The following DNAH7 variants were observed in gnomAD, a reference collection of about 807,000 sequenced individuals.
DNAH7 encodes the protein dynein axonemal heavy chain 7.
Under a neutral mutation model 444.6 loss-of-function variants are expected in DNAH7, and 397 were observed. That is an observed-to-expected ratio of 0.89 (90% CI 0.82 to 0.97). The LOEUF (loss-of-function observed/expected upper bound fraction) is 0.97. Among genes scored for constraint, DNAH7 ranks in the 50% least tolerant of loss-of-function variants. The pLI, the probability that DNAH7 is intolerant of heterozygous loss-of-function variation, is 0.00. For missense variants in DNAH7, 4,902 were observed against 4,800.8 expected (o/e 1.02, Z -0.62); for synonymous variants, 1,636 against 1,624.4 (o/e 1.01, Z -0.17).
chr2:195,781,077 G>GA (rs34479085), intron 58 of DNAH7, among the ~76,000 whole-genome samples: 52 of 149,416 alleles, frequency 3.5e-4, no homozygotes, highest in Middle Eastern at 6.9e-3. Context: ...AAGCCCTTGT[G>GA]AAAAAAAAAA....
At chr2:195,817,483 C>A (rs1445517828) in intron 50 of DNAH7, among the ~76,000 whole-genome samples, 2 of 152,196 alleles carry the variant, frequency 1.3e-5, no homozygotes, top group East Asian at 1.9e-4. Context: ...GGCCTTCTAG[C>A]TCTTCCAGTG....
intron 21 of DNAH7, among the ~76,000 whole-genome samples, chr2:195,928,010 C>A (rs1256698303): frequency 6.6e-6 from 1 of 152,054 alleles, no homozygotes; most frequent in African/African-American, 2.4e-5. Context: ...GTTACATGGG[C>A]ATATTGCACC....
At chr2:195,746,063 TAA>T (rs1006594178) in intron 63 of DNAH7, among the ~76,000 whole-genome samples, 27 of 152,106 alleles carry the variant, frequency 1.8e-4, no homozygotes, top group Non-Finnish European at 1.2e-4. Flanking sequence ...GCAAATTGGA[TAA>T]AGAGTCAAGA....
In DNAH7 at chr2:195,794,532, T is replaced by C. The variant is rs762633292; in HGVS notation, c.10522A>G (p.Ser3508Gly). Reference protein sequence around the residue: ...PTLEKVCEELSPESTHPDFRM... With the variant: ...PTLEKVCEELGPESTHPDFRM... ...AAATCTGGATGTGTTGACTCTGGGC[T>C]TAACTCCTGTAAGAAAATAAATCAG... Residue 3508 changes from serine to glycine, a missense_variant, in exon 57 of 65, where the codon AGC becomes GGC. Physicochemically the swap from Ser to Gly is moderately conservative, Grantham distance 56. Coordinates refer to ENST00000312428, the MANE Select transcript of DNAH7 (RefSeq NM_018897.3). 8 of 1,614,072 alleles carry C rather than the reference T, an allele frequency of 5.0e-6. No individual in the cohort carries two copies. The highest frequency in any genetic ancestry group is 4.2e-6 in the Non-Finnish European group (5 of 1,179,936).
At chr2:196,053,129 G>A (rs996638095) in intron 2 of DNAH7, among the ~76,000 whole-genome samples, 6 of 152,198 alleles carry the variant, frequency 3.9e-5, no homozygotes, top group African/African-American at 1.4e-4. Context: ...GAACAGAGAG[G>A]GAAGGAGTGG....
At chr2:195,755,151 C>G (rs1015900181) in intron 62 of DNAH7, among the ~76,000 whole-genome samples, 4 of 152,190 alleles carry the variant, frequency 2.6e-5, no homozygotes, top group Non-Finnish European at 4.4e-5. Flanking sequence ...CCCATAAAGT[C>G]TGGTCAGATG....
intron 5 of DNAH7, among the ~76,000 whole-genome samples, chr2:196,035,891 G>A (rs1696351641): frequency 6.6e-6 from 1 of 152,080 alleles, no homozygotes; most frequent in Non-Finnish European, 1.5e-5. Context: ...CAACTGCATT[G>A]TTCCAGAGAT....
chr2:195,778,101 C>T (rs1299927192), intron 58 of DNAH7, 116 bp from the exon 59 acceptor site: 2 of 966,342 alleles, frequency 2.1e-6, no homozygotes, highest in Non-Finnish European at 2.8e-6. Context: ...ATTAACACAA[C>T]TTCCCTTCGT....
chr2:195,778,644 AT>A (rs1559089734), intron 58 of DNAH7, among the ~76,000 whole-genome samples: 424 of 39,066 alleles, frequency 0.011, 68 homozygotes, highest in African/African-American at 0.027. Context: ...AAATAAATAA[AT>A]ATATATATAT....
chr2:195,886,042 A>G (rs146634759), intron 34 of DNAH7, 99 bp downstream of exon 34: 1 of 1,418,388 alleles, frequency 7.1e-7, no homozygotes, highest in Non-Finnish European at 9.4e-7. Flanking sequence ...CTAGTCTCCA[A>G]CTTCAGGGGC....
At position 195,891,783 on chromosome 2, in the gene DNAH7, C is replaced by T. The variant is rs1389293290; in HGVS notation, c.4918G>A (p.Val1640Ile). Reference protein sequence around the residue: ...CEKGLMEENKVQITVLNPKSV... With the variant: ...CEKGLMEENKIQITVLNPKSV... ...TTAGGATTTAAAACAGTTATTTGAA[C>T]TTTGTTTTCTTCCATTAGCCCCTTA... The change falls in exon 31 of 65, where the codon GTT becomes ATT. Residue 1640 changes from valine to isoleucine, a missense_variant. Coordinates refer to ENST00000312428, the MANE Select transcript of DNAH7 (RefSeq NM_018897.3). 1 of 1,585,784 alleles carries T rather than the reference C, an allele frequency of 6.3e-7. No homozygotes were observed. The highest frequency in any genetic ancestry group is 1.2e-5 in the South Asian group (1 of 84,616).
rs1181546518 is a variant in DNAH7 at position 195,775,834 on chromosome 2, C to T, written c.11202+12G>A. ...CAGGCCTCAGAATCCAGGTCCTATA[C>T]AGATCACACACCTGTGTAAGAAGAA... On this transcript the variant is annotated intron_variant, in intron 60 of 64. Coordinates refer to ENST00000312428, the MANE Select transcript of DNAH7 (RefSeq NM_018897.3). 6.2e-7 allele frequency: 1 copy of T among 1,613,040 alleles called. No individual in the cohort carries two copies. Among genetic ancestry groups the T allele is most frequent in the African/African-American group, 1.3e-5 (1 of 75,048 alleles).
At chr2:195,955,920 A>T (rs1043846516) in intron 19 of DNAH7, among the ~76,000 whole-genome samples, 4 of 152,158 alleles carry the variant, frequency 2.6e-5, no homozygotes, top group Non-Finnish European at 5.9e-5. Flanking sequence ...AATTAATTAG[A>T]GATGATTGTG....
intron 2 of DNAH7, among the ~76,000 whole-genome samples, chr2:196,056,692 T>A (rs979313439): frequency 2.6e-5 from 4 of 152,196 alleles, no homozygotes; most frequent in South Asian, 4.1e-4. Context: ...AGTTGCCTAC[T>A]GTGCTAATCA....
chr2:195,964,018 A>T (rs915810232), intron 17 of DNAH7, among the ~76,000 whole-genome samples: 1 of 152,128 alleles, frequency 6.6e-6, no homozygotes, highest in Non-Finnish European at 1.5e-5. Context: ...AAAGCTCTGA[A>T]TCCTAATTTG....
rs759689589 is a variant in DNAH7 at position 195,771,728 on chromosome 2, T to C, written c.11365A>G (p.Met3789Val). ...QSMNTVLVQE[M>V]GRFNKLLKTI... ...TTCAGTAACTTATTGAACCGTCCCA[T>C]CTCTTGGACAAGTACAGTGTTCATG... Residue 3789 changes from methionine to valine, a missense_variant, in exon 61 of 65, where the codon ATG becomes GTG. Transcript: ENST00000312428. The C allele has an allele frequency of 6.2e-7, 1 of 1,614,190 alleles. No individual in the cohort carries two copies. The highest frequency in any genetic ancestry group is 8.5e-7 in the Non-Finnish European group (1 of 1,180,020).
intron 61 of DNAH7, among the ~76,000 whole-genome samples, chr2:195,766,166 A>AATTTTTTTTT (rs1694569940): frequency 1.5e-5 from 1 of 67,062 alleles, no homozygotes. Context: ...TGTGGGAGCT[A>AATTTTTTTTT]ATTTTTTTTT....
chr2:195,806,821 A>G lies in DNAH7; in HGVS notation c.10095T>C (p.His3365=). The change falls in exon 54 of 65, where the codon CAT becomes CAC. Residue 3365 remains histidine (H), a synonymous_variant. Transcript: ENST00000312428. The stretch of plus-strand genomic sequence containing the variant: ...CTTCCCATTCTTCAGGGAAAACCTC[A>G]TGGTGTGGTTCCTAAAATTACAGTG... ...KKVYDSLEPH[H]EVFPEEWEDK... The G allele has an allele frequency of 6.2e-7, 1 of 1,612,456 alleles. No individual in the cohort carries two copies. The highest frequency in any genetic ancestry group is 8.5e-7 in the Non-Finnish European group (1 of 1,178,878).
chr2:195,983,027 AC>A (rs5837485), intron 15 of DNAH7, among the ~76,000 whole-genome samples: 1,645 of 152,276 alleles, frequency 0.011, 36 homozygotes, highest in East Asian at 0.075. Flanking sequence ...GGTGCCAGAT[AC>A]CCCATTTACC....
Sources: allele counts gnomAD v4.1 joint callset (sites outside exome capture counted in the v4.1 genomes callset), GRCh38; gene constraint gnomAD v4.1.1; transcripts MANE v1.5; gene names NCBI Gene and HGNC (gene_info 2026-07-23, HGNC 2026-07-21).